PIP5K1C: variants seen among roughly 807,000 people sequenced by gnomAD.
The protein encoded by PIP5K1C is phosphatidylinositol-4-phosphate 5-kinase type 1 gamma.
PIP5K1C carries 45 observed loss-of-function variants against 80.1 expected under a neutral mutation model. The ratio of observed to expected loss-of-function variants is 0.56; its 90% CI spans 0.44 to 0.72. The LOEUF is 0.72. Among genes scored for constraint, PIP5K1C ranks in the 30% least tolerant of loss-of-function variants. The probability of loss-of-function intolerance (pLI) is 0.00; values close to 1 mark genes in which losing one functional copy is unlikely to be tolerated. For missense variants in PIP5K1C, 753 were observed against 954.6 expected, an observed-to-expected ratio of 0.79 and a Z score of 2.78; for synonymous variants, 498 against 420.1, an observed-to-expected ratio of 1.19 and a Z score of -2.27.
chr19:3,639,835 T>C (rs2033889092), intron 15 of PIP5K1C, among the ~76,000 whole-genome samples: 1 of 152,194 alleles, frequency 6.6e-6, no homozygotes. Context: ...ACTGCCCCTG[T>C]GTTGCATTTG....
intron 1 of PIP5K1C, among the ~76,000 whole-genome samples, chr19:3,698,292 C>T (rs568621776): frequency 6.6e-6 from 1 of 152,378 alleles, no homozygotes; most frequent in South Asian, 2.1e-4. Context: ...ACACGGTCAT[C>T]ACCCCACTTC....
At chr19:3,681,126 G>A (rs1019916218) in intron 1 of PIP5K1C, among the ~76,000 whole-genome samples, 27 of 152,114 alleles carry the variant, frequency 1.8e-4, no homozygotes, top group Admixed American at 5.9e-4. Flanking sequence ...ACAGTATGGA[G>A]GTATGTGGGA....
intron 1 of PIP5K1C, among the ~76,000 whole-genome samples, chr19:3,687,062 G>A (rs10406886): frequency 0.18 from 26,677 of 152,048 alleles, 2,502 homozygotes; most frequent in African/African-American, 0.22. Context: ...GCATAGTGGT[G>A]CACACCTATA....
rs995173167 is a variant in PIP5K1C at position 3,630,616 on chromosome 19, C to A, written c.*2551G>T. 1 of 152,454 alleles carries A rather than the reference C, an allele frequency of 6.6e-6. No homozygotes were observed. The highest frequency in any genetic ancestry group is 1.5e-5 in the Non-Finnish European group (1 of 68,028). The allele number at this position is 152,454 out of a possible 1,614,324, so 9.4% of individuals were successfully genotyped here. A position where few individuals can be genotyped will look rare whatever the true frequency, so the allele number is the denominator to read the frequency against. ...ATGGCAATGGGAGTATTGCACTGAG[C>A]CAGGTTTCGGGGGAACGGGGACGTG... is the stretch of plus-strand genomic sequence containing the variant. On this transcript the variant is annotated 3_prime_UTR_variant, in exon 18 of 18. Transcript: ENST00000335312.
At chr19:3,675,584 C>G (rs1215771595) in intron 1 of PIP5K1C, among the ~76,000 whole-genome samples, 2 of 152,224 alleles carry the variant, frequency 1.3e-5, no homozygotes, top group Non-Finnish European at 2.9e-5. Context: ...CTGCTCCTCT[C>G]TGGTATGGAC....
chr19:3,670,169 C>G (rs1396992434), intron 1 of PIP5K1C, among the ~76,000 whole-genome samples: 2 of 152,150 alleles, frequency 1.3e-5, no homozygotes, highest in African/African-American at 4.8e-5. Context: ...ATTCGAGACG[C>G]TGGTGGGCCC....
chr19:3,653,810 G>C (rs2034532635), intron 6 of PIP5K1C, among the ~76,000 whole-genome samples: 1 of 152,244 alleles, frequency 6.6e-6, no homozygotes, highest in South Asian at 2.1e-4. Context: ...AGGAGGGTCT[G>C]TTTCTACAGA....
chr19:3,647,112 G>A (rs1398693890), intron 10 of PIP5K1C, among the ~76,000 whole-genome samples: 4 of 112,408 alleles, frequency 3.6e-5, no homozygotes, highest in Admixed American at 8.5e-5. Flanking sequence ...GAGGGATGGG[G>A]GGAGGGTGCA....
chr19:3,688,766 G>A lies in PIP5K1C; in HGVS notation c.94+11531C>T, dbSNP rs1055781038. 2.6e-5 allele frequency among the ~76,000 whole-genome samples: 4 copies of A among 151,978 alleles called. No individual in the cohort carries two copies. Among genetic ancestry groups the A allele is most frequent in the African/African-American group, 7.3e-5 (3 of 41,354 alleles). ...AGAGAGAGGAGAGTGGGGGGAGAACGAGAGCGAGAGACACACCGAGCTGGT... is the reference window on the plus strand; with the variant it reads ...AGAGAGAGGAGAGTGGGGGGAGAACAAGAGCGAGAGACACACCGAGCTGGT... On this transcript the variant is annotated intron_variant, in intron 1 of 17. Coordinates refer to ENST00000335312, the MANE Select transcript of PIP5K1C (RefSeq NM_012398.3). This position sits in a 1 kb window ranked among gnomAD's most constrained non-coding sequence, Gnocchi z 5.3.
rs2035104596 is a variant in PIP5K1C at position 3,668,783 on chromosome 19, G to A, written c.95-1430C>T. ...GGCGGGGTGCGGATCAGCAAGGGGGGGCTTCCCTGGGCTGGTCCTGTCTGA... is the reference window on the plus strand; with the variant it reads ...GGCGGGGTGCGGATCAGCAAGGGGGAGCTTCCCTGGGCTGGTCCTGTCTGA... On this transcript the variant is annotated intron_variant, in intron 1 of 17. Coordinates refer to ENST00000335312, the MANE Select transcript of PIP5K1C (RefSeq NM_012398.3). Among the ~76,000 whole-genome samples the A allele has an allele frequency of 2.0e-5, 3 of 152,290 alleles. No individual in the cohort carries two copies. In the South Asian group the frequency reaches 6.2e-4, roughly 32 times the overall value.
chr19:3,666,781 A>ATGCACACACACAAACG (rs2035026478), intron 2 of PIP5K1C, among the ~76,000 whole-genome samples: 1 of 151,500 alleles, frequency 6.6e-6, no homozygotes, highest in Non-Finnish European at 1.5e-5. Flanking sequence ...GCAGGCAAAC[A>ATGCACACACACAAACG]TGCACACACA....
intron 4 of PIP5K1C, 61 bp downstream of exon 4, chr19:3,661,809 CA>C: frequency 6.3e-7 from 1 of 1,596,998 alleles, no homozygotes; most frequent in Non-Finnish European, 8.5e-7. Flanking sequence ...CAGGACAGGC[CA>C]CTCCGCCTCA....
At chr19:3,687,294 G>A (rs1257736973) in intron 1 of PIP5K1C, among the ~76,000 whole-genome samples, 2 of 151,108 alleles carry the variant, frequency 1.3e-5, no homozygotes, top group Non-Finnish European at 1.5e-5. Context: ...CCTGGGAGGC[G>A]GAGGTTGCAG....
rs535720361 is a variant in PIP5K1C at position 3,635,362 on chromosome 19, T to A, written c.1921-1842A>T. Among the ~76,000 whole-genome samples the A allele has an allele frequency of 6.6e-5, 10 of 151,466 alleles. 1 individual carries two copies. In the South Asian group the frequency reaches 2.1e-3, roughly 32 times the overall value. ...AGGAGTTCAAGACCAGCCTGGCCAATATGGCGAAACCCTATCTCTACTAAA... is the reference window on the plus strand; with the variant it reads ...AGGAGTTCAAGACCAGCCTGGCCAAAATGGCGAAACCCTATCTCTACTAAA... On this transcript the variant is annotated intron_variant, in intron 16 of 17. Coordinates refer to ENST00000335312, the MANE Select transcript of PIP5K1C (RefSeq NM_012398.3).
chr19:3,648,481 C>G lies in PIP5K1C; in HGVS notation c.1211+144G>C. The G allele has an allele frequency of 1.2e-6, 1 of 808,346 alleles. No individual in the cohort carries two copies. Among genetic ancestry groups the G allele is most frequent in the South Asian group, 1.4e-5 (1 of 70,810 alleles). 50.1% of individuals were successfully genotyped at this position (808,346 alleles called of 1,614,324 possible). A position where few individuals can be genotyped will look rare whatever the true frequency, so the allele number is the denominator to read the frequency against. On this transcript the variant is annotated intron_variant, in intron 9 of 17. Coordinates refer to ENST00000335312, the MANE Select transcript of PIP5K1C (RefSeq NM_012398.3). The surrounding 1 kb of genome is among the most constrained non-coding windows in gnomAD (Gnocchi z 4.3). ...CATGGGTGTCCTGGGGGCGCCCATCCACCTGTGGGACTGCAGACCCAGGCG... is the reference window on the plus strand; with the variant it reads ...CATGGGTGTCCTGGGGGCGCCCATCGACCTGTGGGACTGCAGACCCAGGCG...
In PIP5K1C at chr19:3,646,011, GA is replaced by G; in HGVS notation, c.1307del (p.Phe436SerfsTer4). Reference sequence around the variant, plus strand: ...GAAAGACCGTGTTGCTCATGAACTTGAAAAAGCGCTCGGCATAGAAGCTGGG... The same window carrying G: ...GAAAGACCGTGTTGCTCATGAACTTGAAAAGCGCTCGGCATAGAAGCTGGG... ...HRPSFYAERFFKFMSNTVFRK... is the reference protein window; with the variant it reads ...HRPSFYAERFXKFMSNTVFRK... On this transcript the variant is annotated frameshift_variant, in exon 11 of 18. Coordinates refer to ENST00000335312, the MANE Select transcript of PIP5K1C (RefSeq NM_012398.3). LOFTEE classifies it high-confidence loss of function. 6.2e-7 allele frequency: 1 copy of G among 1,613,322 alleles called. No individual in the cohort carries two copies. The highest frequency in any genetic ancestry group is 8.5e-7 in the Non-Finnish European group (1 of 1,179,880).
In PIP5K1C at chr19:3,671,709, C is replaced by T. The variant is rs527453744; in HGVS notation, c.95-4356G>A. ...CGAGTGTCCTGTGGAGGAGAGGGGA[C>T]GGGGAGAAAGCACAGCCTTGCTGCC... On this transcript the variant is annotated intron_variant, in intron 1 of 17. Transcript: ENST00000335312. Among the ~76,000 whole-genome samples, 29 of 152,232 alleles carry T rather than the reference C, an allele frequency of 1.9e-4. No individual in the cohort carries two copies. In the South Asian group the frequency reaches 2.3e-3, roughly 12 times the overall value.
intron 4 of PIP5K1C, among the ~76,000 whole-genome samples, 183 bp from the exon 5 acceptor site, chr19:3,661,266 C>T (rs963243146): frequency 6.6e-6 from 1 of 152,172 alleles, no homozygotes; most frequent in Non-Finnish European, 1.5e-5. Context: ...CCCCAGTAAC[C>T]ACCCTCTCTT....
At chr19:3,660,347 T>A (rs2034791047) in intron 5 of PIP5K1C, among the ~76,000 whole-genome samples, 1 of 150,396 alleles carries the variant, frequency 6.6e-6, no homozygotes. Context: ...ACCACTGCAC[T>A]CCAGCCTGGG....
Sources: allele counts gnomAD v4.1 joint callset (sites outside exome capture counted in the v4.1 genomes callset), GRCh38; gene constraint gnomAD v4.1.1; non-coding constraint Gnocchi (gnomAD v3.1); transcripts MANE v1.5; gene names NCBI Gene and HGNC (gene_info 2026-07-23, HGNC 2026-07-21).